Variants in MYO3B observed in about 807,000 individuals in gnomAD.
The protein encoded by MYO3B is myosin IIIB.
A neutral mutation model predicts 174.6 loss-of-function variants in MYO3B; 156 were observed. The ratio of observed to expected loss-of-function variants is 0.89; its 90% CI spans 0.78 to 1.02. MYO3B has a LOEUF of 1.02. MYO3B is among the 50% of genes least tolerant of loss of function. The pLI is 0.00. For missense variants in MYO3B, 1,632 were observed against 1,639.4 expected (o/e 1.00, Z 0.08); for synonymous variants, 563 against 569.1 (o/e 0.99, Z 0.15).
At chr2:170,182,772 G>A (rs527695168) in intron 1 of MYO3B, among the ~76,000 whole-genome samples, 3 of 151,042 alleles carry the variant, frequency 2.0e-5, no homozygotes, top group Admixed American at 6.6e-5. Context: ...CACCACACCC[G>A]GCTAAGTTTT....
At chr2:170,301,874 CTT>C (rs10538086) in intron 7 of MYO3B, among the ~76,000 whole-genome samples, 28,960 of 73,526 alleles carry the variant, frequency 0.39, 3,614 homozygotes, top group African/African-American at 0.44. Flanking sequence ...AAAGTGGAGG[CTT>C]TTTTTTTTTT....
At chr2:170,181,417 G>A (rs1198898311) in intron 1 of MYO3B, among the ~76,000 whole-genome samples, 1 of 151,830 alleles carries the variant, frequency 6.6e-6, no homozygotes, top group African/African-American at 2.4e-5. Context: ...CTTCTAATCT[G>A]GATTTTTAAA....
At position 170,382,259 on chromosome 2, in the gene MYO3B, A is replaced by G. The variant is rs1451974349; in HGVS notation, c.1068+147A>G. 3 of 603,768 alleles carry G rather than the reference A, an allele frequency of 5.0e-6. No individual in the cohort carries two copies. The East Asian group carries it at 8.4e-5, about 17-fold the overall frequency. The allele number at this position is 603,768 out of a possible 1,614,324, so 37.4% of individuals were successfully genotyped here. A position where few individuals can be genotyped will look rare whatever the true frequency, so the allele number is the denominator to read the frequency against. The stretch of plus-strand genomic sequence containing the variant: ...ATGGGATGAAGTTCAGGGAGCATTC[A>G]GTTGCTGTGACTATGATCCTGTGCT... On this transcript the variant is annotated intron_variant, in intron 10 of 34. Coordinates refer to ENST00000408978, the MANE Select transcript of MYO3B (RefSeq NM_138995.5).
Position 170,445,692 on chromosome 2 carries a change from T to C in MYO3B, c.2730+1646T>C, listed in dbSNP as rs572972138. 2.6e-5 allele frequency among the ~76,000 whole-genome samples: 4 copies of C among 152,168 alleles called. No individual in the cohort carries two copies. In the East Asian group the frequency reaches 7.7e-4, roughly 29 times the overall value. ...TCTTATGGTCCAGGCTGGAGTGTAG[T>C]GGCATGATCATATCTCACTGTAACC... On this transcript the variant is annotated intron_variant, in intron 23 of 34. Coordinates refer to ENST00000408978, the MANE Select transcript of MYO3B (RefSeq NM_138995.5).
intron 1 of MYO3B, among the ~76,000 whole-genome samples, chr2:170,194,135 G>A (rs2092572202): frequency 6.6e-6 from 1 of 152,166 alleles, no homozygotes; most frequent in South Asian, 2.1e-4. Flanking sequence ...GTCTGAAAGT[G>A]TCTGTTGTTG....
chr2:170,266,195 A>G (rs775203918), intron 7 of MYO3B, among the ~76,000 whole-genome samples: 1 of 152,188 alleles, frequency 6.6e-6, no homozygotes, highest in Non-Finnish European at 1.5e-5. Flanking sequence ...TAATAAAACA[A>G]TGCAGCCTCA....
chr2:170,454,583 A>C (rs1254268470), intron 23 of MYO3B, among the ~76,000 whole-genome samples: 2 of 152,236 alleles, frequency 1.3e-5, no homozygotes, highest in African/African-American at 2.4e-5. Context: ...CAAGAGAACT[A>C]GGTGGCTGCT....
At chr2:170,207,415 G>A (rs7599838) in intron 3 of MYO3B, among the ~76,000 whole-genome samples, 59,378 of 151,958 alleles carry the variant, frequency 0.39, 11,528 homozygotes, top group East Asian at 0.46. Context: ...GCAGGGGGTG[G>A]GGATAGCTCA....
chr2:170,628,501 A>T (rs570295328), intron 32 of MYO3B, among the ~76,000 whole-genome samples: 1 of 152,298 alleles, frequency 6.6e-6, no homozygotes, highest in South Asian at 2.1e-4. Flanking sequence ...TTCCTGGATG[A>T]GGCAATGCCT....
At chr2:170,367,392 A>G (rs2094206922) in intron 8 of MYO3B, among the ~76,000 whole-genome samples, 1 of 152,194 alleles carries the variant, frequency 6.6e-6, no homozygotes, top group Non-Finnish European at 1.5e-5. Flanking sequence ...GTGACTTATT[A>G]AGAAATCAGT....
chr2:170,199,159 C>T (rs752964945), intron 1 of MYO3B, 49 bp from the exon 2 acceptor site: 1 of 1,283,242 alleles, frequency 7.8e-7, no homozygotes, highest in Admixed American at 2.5e-5. Context: ...AAGTCCACTG[C>T]CCCCAGTTCT....
At chr2:170,485,686 A>G (rs895573845) in intron 25 of MYO3B, among the ~76,000 whole-genome samples, 3 of 152,178 alleles carry the variant, frequency 2.0e-5, no homozygotes, top group Non-Finnish European at 4.4e-5. Context: ...ACAATCCTAA[A>G]TATTAAACAT....
At chr2:170,371,889 G>C (rs1303947652) in intron 9 of MYO3B, among the ~76,000 whole-genome samples, 1 of 151,658 alleles carries the variant, frequency 6.6e-6, no homozygotes, top group East Asian at 1.9e-4. Context: ...GATCACTTGA[G>C]CCCAGGAGTT....
At chr2:170,614,107 C>T (rs11689519) in intron 32 of MYO3B, among the ~76,000 whole-genome samples, 31 of 152,044 alleles carry the variant, frequency 2.0e-4, no homozygotes, top group African/African-American at 4.4e-4. Flanking sequence ...CTCCCCTACC[C>T]CTAGGGTGTA....
At chr2:170,508,624 C>A (rs934858) in intron 28 of MYO3B, among the ~76,000 whole-genome samples, 42,397 of 152,124 alleles carry the variant, frequency 0.28, 7,183 homozygotes, top group African/African-American at 0.48. Context: ...CTCTTCAGAG[C>A]CTTCACTCAG....
intron 8 of MYO3B, among the ~76,000 whole-genome samples, chr2:170,351,537 C>T (rs1465247757): frequency 1.3e-5 from 2 of 151,952 alleles, no homozygotes; most frequent in African/African-American, 4.8e-5. Flanking sequence ...GACAGCAGCA[C>T]AAAATGCCAT....
At chr2:170,432,505 T>A (rs1033374438) in intron 22 of MYO3B, among the ~76,000 whole-genome samples, 1 of 152,018 alleles carries the variant, frequency 6.6e-6, no homozygotes, top group Non-Finnish European at 1.5e-5. Flanking sequence ...AGTCAAAAAA[T>A]TTTAATATTT....
At chr2:170,201,197 C>T (rs2092657234) in intron 3 of MYO3B, among the ~76,000 whole-genome samples, 1 of 152,180 alleles carries the variant, frequency 6.6e-6, no homozygotes, top group Non-Finnish European at 1.5e-5. Flanking sequence ...CGAACAAATA[C>T]GATTCCCTAT....
intron 7 of MYO3B, among the ~76,000 whole-genome samples, chr2:170,266,482 A>C (rs2093384421): frequency 6.6e-6 from 1 of 152,276 alleles, no homozygotes; most frequent in East Asian, 1.9e-4. Flanking sequence ...GAATATTCTT[A>C]AGGTCATTCT....
Sources: gnomAD v4.1 joint callset for allele counts (sites outside exome capture counted in the v4.1 genomes callset) on GRCh38, gnomAD v4.1.1 for gene constraint, MANE v1.5 for transcripts, NCBI Gene and HGNC (gene_info 2026-07-23, HGNC 2026-07-21) for gene names.